RPS6KA6: variants seen among roughly 807,000 people sequenced by gnomAD.
The protein encoded by RPS6KA6 is ribosomal protein S6 kinase A6, also known as ribosomal protein S6 kinase alpha-6.
In RPS6KA6, 27 loss-of-function variants were observed where a neutral mutation model predicts 65.4. The observed-to-expected ratio is 0.41, with a 90% confidence interval of 0.30 to 0.57. The LOEUF is 0.57. Among genes scored for constraint, RPS6KA6 ranks in the 20% least tolerant of loss-of-function variants. The pLI, the probability that RPS6KA6 is intolerant of heterozygous loss-of-function variation, is 0.24. For missense variants in RPS6KA6, 486 were observed against 555.6 expected (o/e 0.87, Z 1.26); for synonymous variants, 190 against 184.2 (o/e 1.03, Z -0.26).
intron 8 of RPS6KA6, 83 bp from the exon 9 acceptor site, chrX:84,120,110 A>AT: frequency 2.9e-6 from 2 of 682,493 alleles, no homozygotes; most frequent in Non-Finnish European, 2.1e-6. Context: ...TAATGTATTA[A>AT]ACATTACAAT....
intron 1 of RPS6KA6, among the ~76,000 whole-genome samples, chrX:84,184,614 T>C (rs1032841308): frequency 2.7e-5 from 3 of 110,490 alleles, no homozygotes; most frequent in Non-Finnish European, 5.7e-5. Context: ...CCTCTATTAC[T>C]ATAGGGTCTC....
chrX:84,091,740 G>A (rs1294147494), intron 20 of RPS6KA6, among the ~76,000 whole-genome samples: 1 of 111,842 alleles, frequency 8.9e-6, no homozygotes, highest in South Asian at 3.7e-4. Context: ...ATACATGCAC[G>A]TGTATGTTCA....
intron 20 of RPS6KA6, among the ~76,000 whole-genome samples, chrX:84,082,011 A>T (rs1454772842): frequency 8.9e-6 from 1 of 112,291 alleles, no homozygotes; most frequent in African/African-American, 3.2e-5. Context: ...CAAAAGCTGG[A>T]AGCATTCCCT....
intron 8 of RPS6KA6, among the ~76,000 whole-genome samples, chrX:84,120,256 G>C (rs911676455): frequency 9.0e-6 from 1 of 110,997 alleles, no homozygotes; most frequent in Non-Finnish European, 1.9e-5. Flanking sequence ...CAAAATACAT[G>C]CTTTCAGGTC....
At chrX:84,115,934 C>T (rs982427434) in intron 12 of RPS6KA6, among the ~76,000 whole-genome samples, 2 of 110,525 alleles carry the variant, frequency 1.8e-5, no homozygotes, top group South Asian at 7.6e-4. Flanking sequence ...ATAATAGACA[C>T]CGAGGACTCC....
chrX:84,185,958 T>C (rs2035923336), intron 1 of RPS6KA6: 3 of 475,784 alleles, frequency 6.3e-6, no homozygotes, highest in Non-Finnish European at 1.1e-5. Flanking sequence ...AGCATTTAGT[T>C]TTCACCTATA....
At chrX:84,145,583 C>T (rs752424342) in intron 5 of RPS6KA6, 26 bp from the exon 6 acceptor site, 11 of 878,761 alleles carry the variant, frequency 1.3e-5, no homozygotes, top group Admixed American at 3.3e-5. Flanking sequence ...AATATAGTAA[C>T]AGGATAATCT....
chrX:84,073,461 G>A (rs184223587), intron 20 of RPS6KA6, among the ~76,000 whole-genome samples: 4 of 111,628 alleles, frequency 3.6e-5, no homozygotes, highest in Non-Finnish European at 5.7e-5. Context: ...CATGACGTTG[G>A]TTTGGATAAG....
intron 11 of RPS6KA6, among the ~76,000 whole-genome samples, chrX:84,116,844 C>T (rs2034577787): frequency 9.0e-6 from 1 of 111,223 alleles, no homozygotes; most frequent in African/African-American, 3.3e-5. Context: ...ATAATATATA[C>T]ATAATAATAG....
chrX:84,132,827 T>C (rs1435355750), intron 8 of RPS6KA6, among the ~76,000 whole-genome samples: 1 of 109,667 alleles, frequency 9.1e-6, no homozygotes, highest in Non-Finnish European at 1.9e-5. Flanking sequence ...GGAAACTTTC[T>C]ATAGTCCATT....
intron 20 of RPS6KA6, among the ~76,000 whole-genome samples, chrX:84,069,822 C>T (rs780086440): frequency 4.4e-5 from 5 of 112,581 alleles, no homozygotes; most frequent in Non-Finnish European, 9.4e-5. Context: ...CTCATCATCA[C>T]TGCTCATTAG....
At chrX:84,140,581 A>G (rs1176519239) in intron 6 of RPS6KA6, among the ~76,000 whole-genome samples, 2 of 107,554 alleles carry the variant, frequency 1.9e-5, no homozygotes, top group African/African-American at 6.8e-5. Flanking sequence ...TACTAAAAAT[A>G]CAAGAATTAG....
At chrX:84,078,220 A>G (rs1471139692) in intron 20 of RPS6KA6, among the ~76,000 whole-genome samples, 1 of 112,392 alleles carries the variant, frequency 8.9e-6, no homozygotes, top group Non-Finnish European at 1.9e-5. Context: ...ATCATTAGTC[A>G]CTAGGGAAAT....
chrX:84,139,069 A>T (rs2035051129), intron 6 of RPS6KA6, among the ~76,000 whole-genome samples: 1 of 111,606 alleles, frequency 9.0e-6, no homozygotes, highest in African/African-American at 3.3e-5. Flanking sequence ...CCATTGAATC[A>T]TTTTTTAAAA....
rs924553413 is a variant in RPS6KA6, at chrX:84,063,431, A to G, written c.*846T>C. 5.4e-5 allele frequency: 6 copies of G among 111,402 alleles called. No individual in the cohort carries two copies. Among genetic ancestry groups the G allele is most frequent in the Non-Finnish European group, 9.4e-5 (5 of 53,003 alleles). 9.2% of individuals were successfully genotyped at this position (111,402 alleles called of 1,213,427 possible). ...TTGGTTAACTTGAAAGTCAGTTTAT[A>G]TAACACCAGGATAGTGTCAACACCA... On this transcript the variant is annotated 3_prime_UTR_variant, in exon 22 of 22. Transcript: ENST00000262752.
intron 1 of RPS6KA6, among the ~76,000 whole-genome samples, chrX:84,167,151 A>C (rs1047082995): frequency 3.6e-5 from 4 of 111,783 alleles, no homozygotes; most frequent in African/African-American, 6.5e-5. Flanking sequence ...AGGAACATCA[A>C]ACTGAATGAC....
intron 8 of RPS6KA6, among the ~76,000 whole-genome samples, chrX:84,122,209 G>GT (rs1449762942): frequency 9.0e-6 from 1 of 111,259 alleles, no homozygotes; most frequent in African/African-American, 3.3e-5. Flanking sequence ...CAGCCATGCA[G>GT]TGAGGAGAGT....
Position 84,120,002 on chromosome X carries a change from T to C in RPS6KA6, c.672A>G (p.Val224=). Residue 224 remains valine (V), a synonymous_variant, in exon 9 of 22, where the codon GTA becomes GTG. Coordinates refer to ENST00000262752, the MANE Select transcript of RPS6KA6 (RefSeq NM_014496.5). Reference sequence around the variant, plus strand: ...ATGAGTAAGCCTTCTTTTCTTGATCTACTGACTCCTTGCTGAGTCCAAAAT... The same window carrying C: ...ATGAGTAAGCCTTCTTTTCTTGATCCACTGACTCCTTGCTGAGTCCAAAAT... ...LTDFGLSKES[V]DQEKKAYSFC... is the part of the protein sequence containing the mutation. 1 of 1,188,530 alleles carries C rather than the reference T, an allele frequency of 8.4e-7. No individual in the cohort carries two copies. Among genetic ancestry groups the C allele is most frequent in the Non-Finnish European group, 1.1e-6 (1 of 883,366 alleles).
At chrX:84,144,910 A>C (rs2035173243) in intron 6 of RPS6KA6, among the ~76,000 whole-genome samples, 1 of 110,148 alleles carries the variant, frequency 9.1e-6, no homozygotes, top group African/African-American at 3.3e-5. Context: ...TAAGCCAGAC[A>C]AAAAAAATGA....
Sources: gnomAD v4.1 joint callset for allele counts (sites outside exome capture counted in the v4.1 genomes callset) on GRCh38, gnomAD v4.1.1 for gene constraint, MANE v1.5 for transcripts, NCBI Gene and HGNC (gene_info 2026-07-23, HGNC 2026-07-21) for gene names.